Variants in FSIP2 observed in about 807,000 individuals in gnomAD.
FSIP2 encodes the protein fibrous sheath interacting protein 2.
A neutral mutation model predicts 510.5 loss-of-function variants in FSIP2; 367 were observed. The observed-to-expected ratio is 0.72, with a 90% CI of 0.66 to 0.78. The LOEUF (loss-of-function observed/expected upper bound fraction) is 0.78. FSIP2 is among the 30% of genes least tolerant of loss of function. The probability of loss-of-function intolerance (pLI) is 0.00; values close to 1 mark genes in which losing one functional copy is unlikely to be tolerated. For missense variants in FSIP2, 7,594 were observed against 7,901.7 expected, an observed-to-expected ratio of 0.96 and a Z score of 1.48; for synonymous variants, 2,601 against 2,732.2, an observed-to-expected ratio of 0.95 and a Z score of 1.50.
In FSIP2 at chr2:185,813,802, A is replaced by T. The variant is rs949819097; in HGVS notation, c.20085A>T (p.Gln6695His). ...DQVKEVKKPI[Q>H]SKLSPKSTLS... Reference sequence around the variant, plus strand: ...TGAAAGAAGTCAAGAAGCCAATACAAAGCAAACTTTCTCCTAAGTCAACAC... The same window carrying T: ...TGAAAGAAGTCAAGAAGCCAATACATAGCAAACTTTCTCCTAAGTCAACAC... The change falls in exon 18 of 23, where the codon CAA (glutamine) becomes CAT (histidine). Residue 6695 changes from glutamine to histidine, a missense_variant. By Grantham distance (24) the Gln-to-His change is conservative. Transcript: ENST00000424728. 2 of 1,613,508 alleles carry T rather than the reference A, an allele frequency of 1.2e-6. No individual in the cohort carries two copies. Among genetic ancestry groups the T allele is most frequent in the Non-Finnish European group, 1.7e-6 (2 of 1,179,776 alleles).
At chr2:185,819,563 G>A (rs551791883) in intron 19 of FSIP2, among the ~76,000 whole-genome samples, 4 of 151,848 alleles carry the variant, frequency 2.6e-5, no homozygotes, top group South Asian at 4.2e-4. Context: ...TGATGATAAC[G>A]GCATCAATTT....
chr2:185,822,834 G>T (rs183868243), intron 19 of FSIP2, among the ~76,000 whole-genome samples: 1 of 151,836 alleles, frequency 6.6e-6, no homozygotes, highest in African/African-American at 2.4e-5. Context: ...ATCAAACAGT[G>T]TGATACTGAT....
chr2:185,821,389 C>T (rs1016859842), intron 19 of FSIP2, among the ~76,000 whole-genome samples: 2 of 152,004 alleles, frequency 1.3e-5, no homozygotes, highest in African/African-American at 4.8e-5. Flanking sequence ...ACTAACCCCC[C>T]TCAGACTTTT....
intron 8 of FSIP2, among the ~76,000 whole-genome samples, chr2:185,755,286 T>C (rs1473753879): frequency 6.6e-6 from 1 of 151,562 alleles, no homozygotes; most frequent in Non-Finnish European, 1.5e-5. Flanking sequence ...GCATATACAC[T>C]AAGTACACGT....
intron 1 of FSIP2, 21 bp from the exon 2 acceptor site, chr2:185,739,325 C>A (rs1037272870): frequency 2.7e-6 from 4 of 1,509,142 alleles, no homozygotes; most frequent in Non-Finnish European, 2.6e-6. Context: ...AAAGACAAAA[C>A]TCTCCAATTG....
chr2:185,790,634 G>A lies in FSIP2; in HGVS notation c.3498G>A (p.Val1166=). The change falls in exon 16 of 23, where the codon GTG becomes GTA. Residue 1166 remains valine, a synonymous_variant. Coordinates refer to ENST00000424728, the MANE Select transcript of FSIP2 (RefSeq NM_173651.4). ...TTTCTGTTTCAGAAATCAGTACAGT[G>A]GCTCAAGAAATAACAGATTCTGTGT... The part of the protein sequence containing the change: ...QMFSVSEIST[V]AQEITDSVLN... 1 of 1,533,976 alleles carries A rather than the reference G, an allele frequency of 6.5e-7. No individual in the cohort carries two copies. Among genetic ancestry groups the A allele is most frequent in the Non-Finnish European group, 8.7e-7 (1 of 1,145,382 alleles).
chr2:185,822,556 A>G (rs1693942895), intron 19 of FSIP2, among the ~76,000 whole-genome samples: 1 of 151,974 alleles, frequency 6.6e-6, no homozygotes, highest in Non-Finnish European at 1.5e-5. Flanking sequence ...GTAAGAAATT[A>G]AAGAGAATGC....
intron 14 of FSIP2, among the ~76,000 whole-genome samples, chr2:185,785,156 G>A (rs978510518): frequency 5.3e-5 from 8 of 152,062 alleles, no homozygotes; most frequent in African/African-American, 1.9e-4. Context: ...TTAGGTTGCA[G>A]AATATCTAAG....
chr2:185,790,008 A>C lies in FSIP2; in HGVS notation c.2872A>C (p.Arg958=). ...AGTAAATGAAAGTTTTCAAAAAAGT[A>C]GGCAACCTAGAATAAGTAGTCCTTC... ...EPVNESFQKS[R]QPRISSPSDT... The change falls in exon 16 of 23, where the codon AGG becomes CGG. Residue 958 remains arginine, a synonymous_variant. Coordinates refer to ENST00000424728, the MANE Select transcript of FSIP2 (RefSeq NM_173651.4). 2 of 1,534,156 alleles carry C rather than the reference A, an allele frequency of 1.3e-6. No homozygotes were observed. The highest frequency in any genetic ancestry group is 1.7e-6 in the Non-Finnish European group (2 of 1,145,616).
Position 185,739,053 on chromosome 2 carries a change from G to C in FSIP2, c.99+60G>C, listed in dbSNP as rs909550459. The C allele has an allele frequency of 2.3e-5, 34 of 1,489,414 alleles. No homozygotes were observed. The African/African-American group carries it at 3.5e-4, about 15-fold the overall frequency. 92.3% of individuals were successfully genotyped at this position (1,489,414 alleles called of 1,614,324 possible). ...GGCGGCCGCAGGCCTGCTGGGGAGC[G>C]GGGCAGGGATCGCCACACACGGGTC... On this transcript the variant is annotated intron_variant, in intron 1 of 22. Coordinates refer to ENST00000424728, the MANE Select transcript of FSIP2 (RefSeq NM_173651.4).
At position 185,800,049 on chromosome 2, in the gene FSIP2, A is replaced by G. The variant is rs1693392349; in HGVS notation, c.10743A>G (p.Lys3581=). ...NKIIQADIAQ[K]MVAIPTKYTY... The stretch of plus-strand genomic sequence containing the variant: ...TTATACAGGCTGACATTGCACAGAA[A>G]ATGGTTGCCATACCTACAAAATACA... The change falls in exon 17 of 23, where the codon AAA becomes AAG. Residue 3581 remains lysine, a synonymous_variant. Transcript: ENST00000424728. 1 of 1,529,914 alleles carries G rather than the reference A, an allele frequency of 6.5e-7. No homozygotes were observed. Among genetic ancestry groups the G allele is most frequent in the African/African-American group, 1.4e-5 (1 of 72,732 alleles). 94.8% of individuals were successfully genotyped at this position (1,529,914 alleles called of 1,614,324 possible).
At position 185,760,484 on chromosome 2, in the gene FSIP2, T is replaced by A. The variant is rs1692327944; in HGVS notation, c.1079-504T>A. ...TATTATTTATAAATTTTATTTATAATAAAATAAAATTTATATTTATTATAA... is the reference window on the plus strand; with the variant it reads ...TATTATTTATAAATTTTATTTATAAAAAAATAAAATTTATATTTATTATAA... On this transcript the variant is annotated intron_variant, in intron 9 of 22. Coordinates refer to ENST00000424728, the MANE Select transcript of FSIP2 (RefSeq NM_173651.4). Among the ~76,000 whole-genome samples, 4 of 147,128 alleles carry A rather than the reference T, an allele frequency of 2.7e-5. No individual in the cohort carries two copies. The South Asian group carries it at 8.4e-4, about 31-fold the overall frequency.
chr2:185,751,175 A>G (rs1692139287), intron 7 of FSIP2, among the ~76,000 whole-genome samples: 1 of 151,492 alleles, frequency 6.6e-6, no homozygotes, highest in African/African-American at 2.4e-5. Flanking sequence ...TATTGAGAGA[A>G]AGAGTTATTA....
intron 7 of FSIP2, among the ~76,000 whole-genome samples, chr2:185,751,171 GA>G (rs1376549463): frequency 6.6e-6 from 1 of 151,352 alleles, no homozygotes; most frequent in East Asian, 1.9e-4. Flanking sequence ...CAATTATTGA[GA>G]GAAAGAGTTA....
chr2:185,749,735 C>T (rs1692105930), intron 7 of FSIP2, among the ~76,000 whole-genome samples: 2 of 151,646 alleles, frequency 1.3e-5, no homozygotes, highest in East Asian at 1.9e-4. Flanking sequence ...GCTCTCTTTG[C>T]TAGTGATCTC....
Position 185,792,896 on chromosome 2 carries a change from T to C in FSIP2, c.5760T>C (p.Ile1920=), listed in dbSNP as rs1240304446. 11 of 1,534,178 alleles carry C rather than the reference T, an allele frequency of 7.2e-6. No individual in the cohort carries two copies. The highest frequency in any genetic ancestry group is 1.4e-5 in the African/African-American group (1 of 73,006). The stretch of plus-strand genomic sequence containing the variant: ...CAAAGGTAAATCTAGCTGAAGATAT[T>C]GTACAGGCAATATTAACAAATTTAG... ...KETKVNLAED[I]VQAILTNLET... is the part of the protein sequence containing the mutation. The change falls in exon 16 of 23, where the codon ATT becomes ATC. Residue 1920 remains isoleucine, a synonymous_variant. Transcript: ENST00000424728.
chr2:185,811,825 T>G (rs1574202209), intron 17 of FSIP2, among the ~76,000 whole-genome samples: 1 of 152,102 alleles, frequency 6.6e-6, no homozygotes, highest in Non-Finnish European at 1.5e-5. Flanking sequence ...CTGCAAAGCA[T>G]AGCCTTGGTG....
In FSIP2 at chr2:185,747,321, G is replaced by T. The variant is rs1400093575; in HGVS notation, c.768G>T (p.Lys256Asn). The T allele has an allele frequency of 6.6e-7, 1 of 1,517,296 alleles. No homozygotes were observed. Among genetic ancestry groups the T allele is most frequent in the Non-Finnish European group, 8.9e-7 (1 of 1,129,926 alleles). The allele number at this position is 1,517,296 out of a possible 1,614,324, so 94.0% of individuals were successfully genotyped here. ...AACATTGTGATTTCTAGGAATGGAA[G>T]ACAAAAGAGATGTTACTTCTGACAA... Reference protein sequence around the residue: ...TLRRKIEEEWKTKEMLLLTRM... With the variant: ...TLRRKIEEEWNTKEMLLLTRM... The change falls in exon 7 of 23, where the codon AAG (lysine) becomes AAT (asparagine). Residue 256 changes from lysine to asparagine, a missense_variant. Physicochemically the swap from Lys to Asn is moderately conservative, Grantham distance 94 (BLOSUM62 0). Coordinates refer to ENST00000424728, the MANE Select transcript of FSIP2 (RefSeq NM_173651.4).
chr2:185,746,742 G>A lies in FSIP2; in HGVS notation c.691G>A (p.Asp231Asn). The A allele has an allele frequency of 1.3e-6, 2 of 1,532,266 alleles. No homozygotes were observed. Among genetic ancestry groups the A allele is most frequent in the Middle Eastern group, 1.7e-4 (1 of 5,964 alleles). The allele number at this position is 1,532,266 out of a possible 1,614,324, so 94.9% of individuals were successfully genotyped here. ...AGAAGAACAACGCCTATTCCTAATG[G>A]ATAGAGAAGAAAGACGACAGCGGGA... is the stretch of plus-strand genomic sequence containing the variant. ...TAEEQRLFLM[D>N]REERRQREHT... The change falls in exon 6 of 23, where the codon GAT (aspartate) becomes AAT (asparagine). Residue 231 changes from aspartate (D) to asparagine (N), a missense_variant. Asp to Asn is a conservative substitution (Grantham distance 23, BLOSUM62 1). Coordinates refer to ENST00000424728, the MANE Select transcript of FSIP2 (RefSeq NM_173651.4).
Sources: gnomAD v4.1 joint callset for allele counts (sites outside exome capture counted in the v4.1 genomes callset) on GRCh38, gnomAD v4.1.1 for gene constraint, MANE v1.5 for transcripts, NCBI Gene and HGNC (gene_info 2026-07-23, HGNC 2026-07-21) for gene names.